NPDC1: variants seen among roughly 807,000 people sequenced by gnomAD.
NPDC1 encodes the protein neural proliferation, differentiation and control 1.
NPDC1 carries 18 observed loss-of-function variants against 32.5 expected under a neutral mutation model. The ratio of observed to expected loss-of-function variants is 0.55; its 90% CI spans 0.38 to 0.82. The LOEUF is 0.82. NPDC1 is among the 40% of genes least tolerant of loss of function. NPDC1 has a pLI of 0.00. For missense variants in NPDC1, 468 were observed against 406.6 expected (o/e 1.15, Z -1.30); for synonymous variants, 210 against 184.7 (o/e 1.14, Z -1.11).
chr9:137,045,173 G>A (rs1376854163), intron 1 of NPDC1, among the ~76,000 whole-genome samples: 1 of 152,248 alleles, frequency 6.6e-6, no homozygotes, highest in Non-Finnish European at 1.5e-5. Context: ...GTGCAGGTGA[G>A]AGGGTGTCCC....
chr9:137,039,940 T>C, intron 8 of NPDC1, 31 bp downstream of exon 8: 1 of 778,602 alleles, frequency 1.3e-6, no homozygotes, highest in Non-Finnish European at 2.4e-6. Flanking sequence ...CAGGAGATGG[T>C]TCGCCCCTCC....
Position 137,040,675 on chromosome 9 carries a change from A to C in NPDC1, c.619T>G (p.Cys207Gly). 1 of 1,579,410 alleles carries C rather than the reference A, an allele frequency of 6.3e-7. No individual in the cohort carries two copies. The highest frequency in any genetic ancestry group is 8.6e-7 in the Non-Finnish European group (1 of 1,167,976). Residue 207 changes from cysteine (C) to glycine (G), a missense_variant, in exon 5 of 9, where the codon TGC becomes GGC. By Grantham distance (159) the Cys-to-Gly change is radical. Coordinates refer to ENST00000371601, the MANE Select transcript of NPDC1 (RefSeq NM_015392.4). ...TGCCCGCGGCCACTGGCTCACCTGC[A>C]CCAGCAGAGGGAGGCTACGGAGAGG... The part of the protein sequence containing the change: ...AALSVASLCW[C>G]RLQREIRLTQ...
At position 137,045,990 on chromosome 9, in the gene NPDC1, C is replaced by G. The variant is rs1272013359; in HGVS notation, c.-1G>C. 3 of 1,193,622 alleles carry G rather than the reference C, an allele frequency of 2.5e-6. No individual in the cohort carries two copies. Among genetic ancestry groups the G allele is most frequent in the Non-Finnish European group, 3.1e-6 (3 of 963,280 alleles). The allele number at this position is 1,193,622 out of a possible 1,614,324, so 73.9% of individuals were successfully genotyped here. On this transcript the variant is annotated 5_prime_UTR_variant, in exon 1 of 9. Coordinates refer to ENST00000371601, the MANE Select transcript of NPDC1 (RefSeq NM_015392.4). ...AGGGCGGAGGCAGCGGCGTCGCCAT[C>G]CTTCAGCGCCGCCGCCGGGGCAGCA...
chr9:137,042,650 C>T (rs910277149), intron 2 of NPDC1, among the ~76,000 whole-genome samples: 4 of 151,720 alleles, frequency 2.6e-5, no homozygotes, highest in African/African-American at 9.7e-5. Context: ...AGCTCCGCCT[C>T]CCGGGTTAAA....
Position 137,039,785 on chromosome 9 carries a change from G to A in NPDC1, c.965C>T (p.Pro322Leu), listed in dbSNP as rs768306430. The change falls in exon 9 of 9, where the codon CCT (proline) becomes CTT (leucine). Residue 322 changes from proline to leucine, a missense_variant. Pro to Leu is a moderately conservative substitution (Grantham distance 98). Coordinates refer to ENST00000371601, the MANE Select transcript of NPDC1 (RefSeq NM_015392.4). ...TCTGCCTCCAGGTCATGGCAGTGCA[G>A]GCGGTGAGCTGGGGGCCGGCAGGGG... ...SAPLPAPSSP[P>L]ALP 1.3e-5 allele frequency: 10 copies of A among 774,830 alleles called. No individual in the cohort carries two copies. Among genetic ancestry groups the A allele is most frequent in the African/African-American group, 1.0e-4 (6 of 59,062 alleles). The allele number at this position is 774,830 out of a possible 1,614,324, so 48.0% of individuals were successfully genotyped here.
intron 1 of NPDC1, among the ~76,000 whole-genome samples, chr9:137,044,759 G>T (rs1832106600): frequency 6.6e-6 from 1 of 152,218 alleles, no homozygotes; most frequent in Non-Finnish European, 1.5e-5. Flanking sequence ...ACCCACCCGG[G>T]CTCAGCACAG....
chr9:137,043,281 T>C (rs1159246233), intron 1 of NPDC1: 3 of 724,188 alleles, frequency 4.1e-6, no homozygotes, highest in Non-Finnish European at 7.7e-6. Flanking sequence ...AGAACTACCC[T>C]GCCCCACCCC....
chr9:137,042,653 G>A (rs181433853), intron 2 of NPDC1, among the ~76,000 whole-genome samples: 4 of 151,012 alleles, frequency 2.6e-5, no homozygotes, highest in African/African-American at 4.9e-5. Context: ...TCCGCCTCCC[G>A]GGTTAAAGCA....
At position 137,043,170 on chromosome 9, in the gene NPDC1, C is replaced by G. The variant is rs751876605; in HGVS notation, c.113-97G>C. On this transcript the variant is annotated intron_variant, in intron 1 of 8. Coordinates refer to ENST00000371601, the MANE Select transcript of NPDC1 (RefSeq NM_015392.4). ...CCCCAGCCACCCGCCCCCGTCACCC[C>G]CCGAGCTGGCCGGGCCTGGTTCTGG... 38 of 1,394,520 alleles carry G rather than the reference C, an allele frequency of 2.7e-5. 1 individual carries two copies. In the African/African-American group the frequency reaches 3.4e-4, roughly 13 times the overall value. 86.4% of individuals were successfully genotyped at this position (1,394,520 alleles called of 1,614,324 possible). A position where few individuals can be genotyped will look rare whatever the true frequency, so the allele number is the denominator to read the frequency against.
chr9:137,040,536 G>A lies in NPDC1; in HGVS notation c.686C>T (p.Ser229Leu). Residue 229 changes from serine (S) to leucine (L), a missense_variant, in exon 6 of 9, where the codon TCA becomes TTA. By Grantham distance (145) the Ser-to-Leu change is moderately radical. Coordinates refer to ENST00000371601, the MANE Select transcript of NPDC1 (RefSeq NM_015392.4). ...CACCGAGATCCGGGGAGCTGCAGGT[G>A]AGCCAGGGGCCTTCGCAGTGGCGTA... ...ADYATAKAPG[S>L]PAAPRISPGD... 2 of 1,590,096 alleles carry A rather than the reference G, an allele frequency of 1.3e-6. No homozygotes were observed. Among genetic ancestry groups the A allele is most frequent in the Non-Finnish European group, 1.7e-6 (2 of 1,173,840 alleles).
chr9:137,045,282 G>C (rs1446579193), intron 1 of NPDC1, among the ~76,000 whole-genome samples: 1 of 152,260 alleles, frequency 6.6e-6, no homozygotes, highest in Non-Finnish European at 1.5e-5. Flanking sequence ...TGCAGGCGGA[G>C]GCTCTGAGGC....
intron 2 of NPDC1, among the ~76,000 whole-genome samples, chr9:137,042,479 G>C (rs747358866): frequency 6.6e-6 from 1 of 151,418 alleles, no homozygotes; most frequent in Non-Finnish European, 1.5e-5. Context: ...GGATGGTCTC[G>C]ATCTCCTGAC....
intron 1 of NPDC1, among the ~76,000 whole-genome samples, chr9:137,045,319 T>C (rs1036148930): frequency 5.9e-5 from 9 of 152,210 alleles, no homozygotes; most frequent in Admixed American, 5.9e-4. Flanking sequence ...CTATTGAAGC[T>C]AGAACAGCAC....
In NPDC1 at chr9:137,040,496, CTGAAGGGGG is replaced by C. The variant is rs1417920208; in HGVS notation, c.708+9_708+17del. 1 of 1,585,862 alleles carries C rather than the reference CTGAAGGGGG, an allele frequency of 6.3e-7. No homozygotes were observed. Among genetic ancestry groups the C allele is most frequent in the Non-Finnish European group, 8.5e-7 (1 of 1,170,114 alleles). ...CCAGAGTTGGGCGGGAGCCTCAGGG[CTGAAGGGGG>C]CCACACACCGAGATCCGGGGAGCTG... On this transcript the variant is annotated intron_variant, in intron 6 of 8. Coordinates refer to ENST00000371601, the MANE Select transcript of NPDC1 (RefSeq NM_015392.4).
chr9:137,043,050 G>C lies in NPDC1; in HGVS notation c.136C>G (p.Leu46Val), dbSNP rs1312414152. The change falls in exon 2 of 9, where the codon CTG (leucine) becomes GTG (valine). Residue 46 changes from leucine (L) to valine (V), a missense_variant. By Grantham distance (32) the Leu-to-Val change is conservative. Coordinates refer to ENST00000371601, the MANE Select transcript of NPDC1 (RefSeq NM_015392.4). ...HPDVAACPGS[L>V]DCALKRRARC... is the part of the protein sequence containing the mutation. Reference sequence around the variant, plus strand: ...GCCCGCCTCTTCAGGGCACAGTCCAGGCTCCCGGGACAGGCGGCTACATCT... The same window carrying C: ...GCCCGCCTCTTCAGGGCACAGTCCACGCTCCCGGGACAGGCGGCTACATCT... The C allele has an allele frequency of 3.1e-6, 5 of 1,612,690 alleles. No homozygotes were observed. The highest frequency in any genetic ancestry group is 4.2e-6 in the Non-Finnish European group (5 of 1,179,928).
rs776253322 is a variant in NPDC1, at chr9:137,040,524, G to T, written c.698C>A (p.Pro233His). The T allele has an allele frequency of 2.5e-6, 4 of 1,590,182 alleles. No homozygotes were observed. Among genetic ancestry groups the T allele is most frequent in the African/African-American group, 1.3e-5 (1 of 74,674 alleles). The change falls in exon 6 of 9, where the codon CCC becomes CAC. Residue 233 changes from proline (P) to histidine (H), a missense_variant. By Grantham distance (77) the Pro-to-His change is moderately conservative. Coordinates refer to ENST00000371601, the MANE Select transcript of NPDC1 (RefSeq NM_015392.4). ...AAGGGGGCCACACACCGAGATCCGG[G>T]GAGCTGCAGGTGAGCCAGGGGCCTT... ...TAKAPGSPAA[P>H]RISPGDQRLA...
intron 2 of NPDC1, among the ~76,000 whole-genome samples, chr9:137,042,008 C>CCTG (rs1251549562): frequency 6.6e-6 from 1 of 152,338 alleles, no homozygotes; most frequent in East Asian, 1.9e-4. Flanking sequence ...CTGGGCAGAC[C>CCTG]CTGCAGAGCC....
At chr9:137,041,585 G>C (rs2131501991) in intron 2 of NPDC1, among the ~76,000 whole-genome samples, 1 of 152,308 alleles carries the variant, frequency 6.6e-6, no homozygotes, top group Admixed American at 6.5e-5. Flanking sequence ...CAAGCACCCG[G>C]GACCCCTCCC....
chr9:137,040,009 C>A lies in NPDC1; in HGVS notation c.847G>T (p.Gly283Ter). The change falls in exon 8 of 9, where the codon GGA (glycine) becomes TGA (stop). Residue 283 changes from glycine (G) to a stop codon, truncating the protein, a stop_gained. Coordinates refer to ENST00000371601, the MANE Select transcript of NPDC1 (RefSeq NM_015392.4). LOFTEE classifies it high-confidence loss of function. ...TASSDEENEDGDFTVYECPGL... is the reference protein window; with the variant it reads ...TASSDEENED Reference sequence around the variant, plus strand: ...GGGCACTCGTACACCGTGAAGTCTCCGTCCTCATTCTCCTCATCCGAGGAG... The same window carrying A: ...GGGCACTCGTACACCGTGAAGTCTCAGTCCTCATTCTCCTCATCCGAGGAG... 1 of 779,078 alleles carries A rather than the reference C, an allele frequency of 1.3e-6. No individual in the cohort carries two copies. The allele number at this position is 779,078 out of a possible 1,614,324, so 48.3% of individuals were successfully genotyped here. A position where few individuals can be genotyped will look rare whatever the true frequency, so the allele number is the denominator to read the frequency against.
Sources: allele counts gnomAD v4.1 joint callset (sites outside exome capture counted in the v4.1 genomes callset), GRCh38; gene constraint gnomAD v4.1.1; transcripts MANE v1.5; gene names NCBI Gene and HGNC (gene_info 2026-07-23, HGNC 2026-07-21).